TRPC4: variants seen among roughly 807,000 people sequenced by gnomAD.
The protein encoded by TRPC4 is transient receptor potential cation channel subfamily C member 4.
In TRPC4, 49 loss-of-function variants were observed where a neutral mutation model predicts 99.4. The observed-to-expected ratio is 0.49, with a 90% confidence interval of 0.39 to 0.63. The LOEUF (loss-of-function observed/expected upper bound fraction) is 0.63, where lower values mean the gene tolerates loss of function less well. TRPC4 is among the 20% of genes least tolerant of loss of function. The pLI is 0.00. For missense variants in TRPC4, 898 were observed against 1,152.9 expected (o/e 0.78, Z 3.20); for synonymous variants, 454 against 425.9 (o/e 1.07, Z -0.81).
chr13:37,690,719 C>T (rs975285781), intron 4 of TRPC4, among the ~76,000 whole-genome samples: 1 of 152,262 alleles, frequency 6.6e-6, no homozygotes, highest in African/African-American at 2.4e-5. Context: ...AACATCAAAT[C>T]TTGTCCCTAT....
rs190786870 is a variant in TRPC4, at chr13:37,816,748, C to T, written c.-27-33388G>A. Among the ~76,000 whole-genome samples, 7 of 152,026 alleles carry T rather than the reference C, an allele frequency of 4.6e-5. No individual in the cohort carries two copies. In the East Asian group the frequency reaches 9.7e-4, roughly 21 times the overall value. ...GCAAATCAATAAATATGATCCATCA[C>T]ATAAACAGAACTAAAGACAAAAACC... On this transcript the variant is annotated intron_variant, in intron 1 of 10. Transcript: ENST00000379705.
chr13:37,667,148 A>T lies in TRPC4; in HGVS notation c.1375-3419T>A, dbSNP rs534323271. On this transcript the variant is annotated intron_variant, in intron 5 of 10. Coordinates refer to ENST00000379705, the MANE Select transcript of TRPC4 (RefSeq NM_016179.4). Reference sequence around the variant, plus strand: ...CTAGAATCTTTTTGTCTAAAATCCCAGCATCTAAACCCAAATCTTATGTAG... The same window carrying T: ...CTAGAATCTTTTTGTCTAAAATCCCTGCATCTAAACCCAAATCTTATGTAG... Among the ~76,000 whole-genome samples the T allele has an allele frequency of 5.9e-5, 9 of 152,330 alleles. No individual in the cohort carries two copies. The East Asian group carries it at 1.7e-3, about 29-fold the overall frequency.
At chr13:37,655,365 T>TTATATATATATATA (rs61181512) in intron 6 of TRPC4, 82 bp from the exon 7 acceptor site, 81 of 370,936 alleles carry the variant, frequency 2.2e-4, no homozygotes, top group African/African-American at 2.0e-3. Flanking sequence ...CTTGGCATGA[T>TTATATATATATATA]TATATATATA....
intron 4 of TRPC4, among the ~76,000 whole-genome samples, chr13:37,691,110 C>CT (rs1009606062): frequency 4.7e-4 from 71 of 151,056 alleles, no homozygotes; most frequent in South Asian, 8.4e-4. Context: ...TTTTTCCTTT[C>CT]TTTTTTTTTG....
At position 37,636,670 on chromosome 13, in the gene TRPC4, A is replaced by T; in HGVS notation, c.*233T>A. 2.4e-6 allele frequency: 1 copy of T among 419,860 alleles called. No homozygotes were observed. The highest frequency in any genetic ancestry group is 4.1e-6 in the Non-Finnish European group (1 of 242,608). 26.0% of individuals were successfully genotyped at this position (419,860 alleles called of 1,614,324 possible). On this transcript the variant is annotated 3_prime_UTR_variant, in exon 11 of 11. Coordinates refer to ENST00000379705, the MANE Select transcript of TRPC4 (RefSeq NM_016179.4). ...CAGTACAAGAATACAAGGTGCATTT[A>T]TTTATTAACAAAAACAATTGTAAGA...
intron 3 of TRPC4, among the ~76,000 whole-genome samples, chr13:37,726,266 T>G (rs1955054063): frequency 6.6e-6 from 1 of 152,106 alleles, no homozygotes; most frequent in African/African-American, 2.4e-5. Context: ...CTACATAATT[T>G]AAGAGACAAA....
In TRPC4 at chr13:37,674,221, T is replaced by C; in HGVS notation, c.1374+7A>G. Reference sequence around the variant, plus strand: ...TATGCTTTACCAACAACATAAATAATAGTTACCTTTACAAATGCAACAATT... The same window carrying C: ...TATGCTTTACCAACAACATAAATAACAGTTACCTTTACAAATGCAACAATT... On this transcript the variant is annotated splice_region_variant and intron_variant, in intron 5 of 10. Coordinates refer to ENST00000379705, the MANE Select transcript of TRPC4 (RefSeq NM_016179.4). The C allele has an allele frequency of 6.3e-7, 1 of 1,580,696 alleles. No individual in the cohort carries two copies. The highest frequency in any genetic ancestry group is 2.3e-5 in the East Asian group (1 of 44,174).
chr13:37,719,483 A>G (rs1250162181), intron 3 of TRPC4, among the ~76,000 whole-genome samples: 1 of 152,192 alleles, frequency 6.6e-6, no homozygotes, highest in Non-Finnish European at 1.5e-5. Flanking sequence ...GATACTGGAA[A>G]AAAAACTCAA....
chr13:37,738,251 G>A (rs1396329529), intron 3 of TRPC4, among the ~76,000 whole-genome samples: 3 of 152,172 alleles, frequency 2.0e-5, no homozygotes, highest in Non-Finnish European at 4.4e-5. Flanking sequence ...TGGATAGTGA[G>A]GCATGGAGAA....
intron 3 of TRPC4, among the ~76,000 whole-genome samples, chr13:37,694,373 T>C (rs1953840730): frequency 2.0e-5 from 3 of 152,156 alleles, no homozygotes. Flanking sequence ...AAGAAAGTTA[T>C]GTACTTTGTT....
At chr13:37,868,192 C>A (rs1323112009) in intron 1 of TRPC4, among the ~76,000 whole-genome samples, 4 of 152,010 alleles carry the variant, frequency 2.6e-5, no homozygotes, top group Non-Finnish European at 5.9e-5. Flanking sequence ...ATAATATAAC[C>A]ATTACAAAAT....
At chr13:37,784,700 G>T (rs1956927961) in intron 1 of TRPC4, among the ~76,000 whole-genome samples, 1 of 151,818 alleles carries the variant, frequency 6.6e-6, no homozygotes, top group East Asian at 1.9e-4. Flanking sequence ...TTTGTATAAT[G>T]TTTTAACCAT....
intron 3 of TRPC4, among the ~76,000 whole-genome samples, chr13:37,719,621 A>G (rs914275887): frequency 1.3e-5 from 2 of 152,180 alleles, no homozygotes; most frequent in African/African-American, 2.4e-5. Context: ...TGATGTTTAT[A>G]ATGTATGGAA....
At chr13:37,664,461 C>A (rs1952568581) in intron 5 of TRPC4, among the ~76,000 whole-genome samples, 2 of 151,886 alleles carry the variant, frequency 1.3e-5, no homozygotes, top group South Asian at 4.2e-4. Flanking sequence ...GTAATCCCAG[C>A]TATTAGGGAG....
chr13:37,755,245 A>G (rs558583419), intron 2 of TRPC4, among the ~76,000 whole-genome samples: 17 of 151,474 alleles, frequency 1.1e-4, no homozygotes, highest in Non-Finnish European at 2.4e-4. Context: ...ATAAATGGAT[A>G]CATGTCCTAA....
At chr13:37,641,094 A>T (rs896263378) in intron 8 of TRPC4, among the ~76,000 whole-genome samples, 3 of 152,176 alleles carry the variant, frequency 2.0e-5, no homozygotes, top group Admixed American at 6.5e-5. Flanking sequence ...AATAAGTGAA[A>T]ATTATCATGA....
rs1031106409 is a variant in TRPC4, at chr13:37,663,657, T to A, written c.1447A>T (p.Ile483Phe). 3 of 1,614,116 alleles carry A rather than the reference T, an allele frequency of 1.9e-6. No individual in the cohort carries two copies. The highest frequency in any genetic ancestry group is 1.3e-5 in the African/African-American group (1 of 75,042). ...PTLVAEALFA[I>F]ANIFSSLRLI... ...CGCAGAGAACTGAAGATGTTTGCAA[T>A]AGCAAATAAAGCCTCTGCCACCAGA... Residue 483 changes from isoleucine (I) to phenylalanine (F), a missense_variant, in exon 6 of 11, where the codon ATT becomes TTT. Ile to Phe is a conservative substitution (Grantham distance 21, BLOSUM62 0). This residue lies in a region of TRPC4 where 274 missense variants were observed against 454.9 expected (regional missense o/e 0.60). Transcript: ENST00000379705.
intron 5 of TRPC4, among the ~76,000 whole-genome samples, chr13:37,670,002 T>C (rs1028866863): frequency 2.0e-5 from 3 of 152,084 alleles, no homozygotes; most frequent in Non-Finnish European, 4.4e-5. Flanking sequence ...GCTTTCATGA[T>C]GAGATTAGTG....
intron 2 of TRPC4, among the ~76,000 whole-genome samples, chr13:37,754,873 CTTAA>C (rs1956056933): frequency 1.3e-5 from 2 of 152,096 alleles, no homozygotes; most frequent in Admixed American, 1.3e-4. Context: ...GATTGCTATT[CTTAA>C]AATGTATCTA....
Sources: allele counts gnomAD v4.1 joint callset (sites outside exome capture counted in the v4.1 genomes callset), GRCh38; gene constraint gnomAD v4.1.1; regional missense constraint gnomAD v4.1.1; transcripts MANE v1.5; gene names NCBI Gene and HGNC (gene_info 2026-07-23, HGNC 2026-07-21).